Variants in TEKT5 observed in about 807,000 individuals in gnomAD.
TEKT5 encodes tektin-5.
TEKT5 carries 52 observed loss-of-function variants against 48.7 expected under a neutral mutation model. That is an observed-to-expected ratio of 1.07 (90% CI 0.86 to 1.35). TEKT5 has a LOEUF of 1.35. Ranked by LOEUF, TEKT5 falls within the 40% of genes most tolerant of loss-of-function variation. TEKT5 has a pLI of 0.00. For synonymous variants in TEKT5, 318 were observed against 267.6 expected (o/e 1.19, Z -1.84); for missense variants, 831 against 641.6 (o/e 1.30, Z -3.19).
chr16:10,627,696 G>A lies in TEKT5; in HGVS notation c.1345C>T (p.Arg449Trp), dbSNP rs61731534. Residue 449 changes from arginine to tryptophan, a missense_variant, in exon 7 of 7, where the codon CGG becomes TGG. By Grantham distance (101) the Arg-to-Trp change is moderately radical (BLOSUM62 -3). Coordinates refer to ENST00000283025, the MANE Select transcript of TEKT5 (RefSeq NM_144674.2). ...TLQLLVMTKCRLEHELAIKAN... is the reference protein window; with the variant it reads ...TLQLLVMTKCWLEHELAIKAN... The stretch of plus-strand genomic sequence containing the variant: ...TTGATGGCGAGCTCGTGCTCCAGCC[G>A]GCACTTGGTCATGACCAGCAGCTGC... The A allele has an allele frequency of 1.5e-3, 2,361 of 1,614,190 alleles. 28 individuals are homozygous for A. In the African/African-American group the frequency reaches 0.025, roughly 17 times the overall value.
In TEKT5 at chr16:10,694,343, C is replaced by T. The variant is rs148185751; in HGVS notation, c.531G>A (p.Glu177=). 2.4e-5 allele frequency: 38 copies of T among 1,610,540 alleles called. No homozygotes were observed. Among genetic ancestry groups the T allele is most frequent in the Non-Finnish European group, 3.1e-5 (36 of 1,178,138 alleles). Residue 177 remains glutamate, a synonymous_variant, in exon 1 of 7, where the codon GAG becomes GAA. Transcript: ENST00000283025. ...GGCAGTTCACCTCATTGGCCGCGCA[C>T]TCCAGCCGCCTCTTGACCGTCTCCA... ...QNLETVKRRL[E]CAANEVNCPL... is the part of the protein sequence containing the mutation.
chr16:10,662,231 G>A (rs1193740051), intron 5 of TEKT5, among the ~76,000 whole-genome samples: 1 of 152,158 alleles, frequency 6.6e-6, no homozygotes, highest in African/African-American at 2.4e-5. Flanking sequence ...ACAACTAAAT[G>A]TCTTCAGACA....
intron 1 of TEKT5, among the ~76,000 whole-genome samples, chr16:10,693,870 T>A (rs1421596859): frequency 6.6e-6 from 1 of 152,126 alleles, no homozygotes; most frequent in Admixed American, 6.6e-5. Context: ...CTCAGGAGGC[T>A]GAGGCACGAG....
At chr16:10,650,132 C>T (rs370618080) in intron 5 of TEKT5, among the ~76,000 whole-genome samples, 3 of 151,932 alleles carry the variant, frequency 2.0e-5, no homozygotes, top group African/African-American at 7.3e-5. Context: ...AGTGCAGTGG[C>T]GCAATCTCGG....
At chr16:10,660,762 A>T (rs1210576916) in intron 5 of TEKT5, among the ~76,000 whole-genome samples, 1 of 151,626 alleles carries the variant, frequency 6.6e-6, no homozygotes, top group Non-Finnish European at 1.5e-5. Flanking sequence ...GTGCAGTGGC[A>T]TGATCTCAGC....
intron 3 of TEKT5, among the ~76,000 whole-genome samples, chr16:10,686,230 G>A (rs778936504): frequency 2.0e-5 from 3 of 152,156 alleles, no homozygotes; most frequent in Non-Finnish European, 4.4e-5. Flanking sequence ...TGATACAAGT[G>A]GAAAGGTACA....
intron 6 of TEKT5, among the ~76,000 whole-genome samples, chr16:10,632,221 G>A (rs1486387527): frequency 6.6e-6 from 1 of 152,140 alleles, no homozygotes; most frequent in Non-Finnish European, 1.5e-5. Flanking sequence ...AGCCACATGT[G>A]GATACTGAGC....
intron 3 of TEKT5, among the ~76,000 whole-genome samples, chr16:10,682,538 G>C (rs1307685040): frequency 6.6e-6 from 1 of 152,148 alleles, no homozygotes; most frequent in African/African-American, 2.4e-5. Context: ...GTGTTGCGCA[G>C]GCTGGTCTTG....
In TEKT5 at chr16:10,689,343, A is replaced by T; in HGVS notation, c.649-20T>A. 6.2e-7 allele frequency: 1 copy of T among 1,602,720 alleles called. No homozygotes were observed. Among genetic ancestry groups the T allele is most frequent in the East Asian group, 2.2e-5 (1 of 44,812 alleles). On this transcript the variant is annotated intron_variant, in intron 2 of 6. Coordinates refer to ENST00000283025, the MANE Select transcript of TEKT5 (RefSeq NM_144674.2). ...CACTTCCTGAAATGAAAAATGTCAG[A>T]AAGAGCAGTGCCTCTTAGAACCTCA...
chr16:10,691,001 G>C (rs545786906), intron 1 of TEKT5, among the ~76,000 whole-genome samples: 1 of 152,274 alleles, frequency 6.6e-6, no homozygotes, highest in African/African-American at 2.4e-5. Context: ...GAGAGTCCCT[G>C]CTCTCACACA....
chr16:10,680,264 G>T (rs2541497), intron 4 of TEKT5, among the ~76,000 whole-genome samples: 74,727 of 152,176 alleles, frequency 0.49, 20,154 homozygotes, highest in East Asian at 0.81. Context: ...CCTCAGCACT[G>T]TGACATTTGT....
chr16:10,641,249 G>A (rs1897991213), intron 5 of TEKT5, among the ~76,000 whole-genome samples: 1 of 152,160 alleles, frequency 6.6e-6, no homozygotes. Flanking sequence ...GAAGCATGTG[G>A]ATTAGCCCAG....
chr16:10,644,212 C>T (rs1021364574), intron 5 of TEKT5, among the ~76,000 whole-genome samples: 4 of 152,098 alleles, frequency 2.6e-5, no homozygotes, highest in African/African-American at 9.7e-5. Context: ...CCATCTTTTA[C>T]GTCATTTGAT....
In TEKT5 at chr16:10,676,186, A is replaced by G. The variant is rs1372001744; in HGVS notation, c.864-5T>C. ...CAGGTCTCAGGTACGGAGATCCTGC[A>G]AAGGCACAAGGGTGAGTTGCAGCAG... On this transcript the variant is annotated splice_region_variant and splice_polypyrimidine_tract_variant and intron_variant, in intron 4 of 6. Transcript: ENST00000283025. 5 of 1,614,122 alleles carry G rather than the reference A, an allele frequency of 3.1e-6. No individual in the cohort carries two copies. The highest frequency in any genetic ancestry group is 2.2e-5 in the East Asian group (1 of 44,876).
chr16:10,660,695 GTGTGTGTGT>G (rs1898353797), intron 5 of TEKT5, among the ~76,000 whole-genome samples: 1 of 95,040 alleles, frequency 1.1e-5, no homozygotes, highest in Non-Finnish European at 2.5e-5. Context: ...GTGTGTGTGT[GTGTGTGTGT>G]TATTTATTTA....
chr16:10,682,485 G>A (rs1898773952), intron 3 of TEKT5, among the ~76,000 whole-genome samples: 1 of 152,162 alleles, frequency 6.6e-6, no homozygotes, highest in South Asian at 2.1e-4. Context: ...GGGCCACCAA[G>A]CCCGACTAAC....
intron 5 of TEKT5, among the ~76,000 whole-genome samples, chr16:10,674,323 C>T (rs1898603269): frequency 6.6e-6 from 1 of 151,970 alleles, no homozygotes; most frequent in African/African-American, 2.4e-5. Context: ...AAAAATGTTG[C>T]AATGATTTCA....
intron 4 of TEKT5, among the ~76,000 whole-genome samples, chr16:10,678,167 C>T (rs1357193793): frequency 6.6e-6 from 1 of 152,158 alleles, no homozygotes; most frequent in Non-Finnish European, 1.5e-5. Context: ...GGCGGGATCT[C>T]GGCTCACTGC....
At chr16:10,693,597 G>A (rs752554490) in intron 1 of TEKT5, among the ~76,000 whole-genome samples, 19 of 152,164 alleles carry the variant, frequency 1.2e-4, no homozygotes, top group Non-Finnish European at 2.2e-4. Context: ...GACAAAGCAG[G>A]CAAAAATCTC....
Sources: allele counts gnomAD v4.1 joint callset (sites outside exome capture counted in the v4.1 genomes callset), GRCh38; gene constraint gnomAD v4.1.1; transcripts MANE v1.5; gene names NCBI Gene and HGNC (gene_info 2026-07-23, HGNC 2026-07-21).